EPS15L1: variants seen among roughly 807,000 people sequenced by gnomAD.
EPS15L1 encodes the protein epidermal growth factor receptor substrate 15-like 1.
Under a neutral mutation model 117.1 loss-of-function variants are expected in EPS15L1, and 43 were observed. That is an observed-to-expected ratio of 0.37 (90% CI 0.29 to 0.47). The LOEUF (loss-of-function observed/expected upper bound fraction) is 0.47, where lower values mean the gene tolerates loss of function less well. Ranked by LOEUF, EPS15L1 falls within the 20% of genes least tolerant of loss-of-function variation. The pLI is 0.99. For synonymous variants in EPS15L1, 459 were observed against 470.5 expected (o/e 0.98, Z 0.32); for missense variants, 981 against 1,164.0 (o/e 0.84, Z 2.29).
rs2092977682 is a variant in EPS15L1, at chr19:16,436,303, C to T, written c.372+634G>A. ...GAAAGTGAAGGGAAGGTGAGGAGGC[C>T]TGATGTTACTTGGAGGGACCATGCT... On this transcript the variant is annotated intron_variant, in intron 6 of 23. Transcript: ENST00000455140. Among the ~76,000 whole-genome samples the T allele has an allele frequency of 2.0e-5, 3 of 152,102 alleles. No homozygotes were observed. The South Asian group carries it at 6.2e-4, about 31-fold the overall frequency.
intron 5 of EPS15L1, 109 bp from the exon 6 acceptor site, chr19:16,437,108 A>C: frequency 1.1e-6 from 1 of 915,410 alleles, no homozygotes; most frequent in Non-Finnish European, 1.8e-6. Context: ...AAAAGGGAAG[A>C]CTTCACAAAG....
At chr19:16,372,739 C>T (rs914329195) in intron 22 of EPS15L1, among the ~76,000 whole-genome samples, 3 of 152,240 alleles carry the variant, frequency 2.0e-5, no homozygotes, top group Admixed American at 6.5e-5. Context: ...CCGTGCAAGG[C>T]GCTTCACCCA....
chr19:16,436,829 G>A (rs1302479147), intron 6 of EPS15L1, 108 bp downstream of exon 6: 9 of 878,310 alleles, frequency 1.0e-5, no homozygotes, highest in Non-Finnish European at 1.6e-5. Context: ...CCTATAAAAT[G>A]TTCTGAACAA....
chr19:16,385,275 AG>A (rs1415557720), intron 20 of EPS15L1, 64 bp from the exon 21 acceptor site: 2 of 1,378,542 alleles, frequency 1.5e-6, no homozygotes, highest in Non-Finnish European at 2.1e-6. Flanking sequence ...TCTGGGGTGG[AG>A]GGGAAATGCT....
chr19:16,457,871 G>GA (rs530738029), intron 1 of EPS15L1, among the ~76,000 whole-genome samples: 10 of 151,944 alleles, frequency 6.6e-5, no homozygotes, highest in Non-Finnish European at 1.2e-4. Flanking sequence ...GACTGGGGGG[G>GA]AGGGGGGAAC....
chr19:16,442,103 G>A (rs2305781), intron 2 of EPS15L1, 75 bp downstream of exon 2: 203,618 of 1,504,330 alleles, frequency 0.14, 14,627 homozygotes, highest in Non-Finnish European at 0.14. Flanking sequence ...CCGCTCAGCC[G>A]GGCTTCTATT....
At position 16,437,872 on chromosome 19, in the gene EPS15L1, G is replaced by A; in HGVS notation, c.214-7C>T. The A allele has an allele frequency of 6.2e-7, 1 of 1,611,800 alleles. No homozygotes were observed. The highest frequency in any genetic ancestry group is 1.1e-5 in the South Asian group (1 of 91,026). Reference sequence around the variant, plus strand: ...TCAGTGCAACATAGAAACCCTGCAAGTCCAAAGAAAGGGAAGGAGTAAACA... The same window carrying A: ...TCAGTGCAACATAGAAACCCTGCAAATCCAAAGAAAGGGAAGGAGTAAACA... On this transcript the variant is annotated splice_polypyrimidine_tract_variant and splice_region_variant and intron_variant, in intron 4 of 23. Transcript: ENST00000455140.
Position 16,471,772 on chromosome 19 carries a change from G to GGCCC in EPS15L1, c.33+140_33+141insGGGC. On this transcript the variant is annotated intron_variant, in intron 1 of 23. Transcript: ENST00000455140. This position sits in a 1 kb window ranked among gnomAD's most constrained non-coding sequence, Gnocchi z 4.8. ...CGGCCTGTCACCTTCAGGGCCGCCT[G>GGCCC]CCCACCCGCCCGCCGCAAGCCCTTC... 3.4e-6 allele frequency: 1 copy of GGCCC among 297,730 alleles called. No homozygotes were observed. The allele number at this position is 297,730 out of a possible 1,614,324, so 18.4% of individuals were successfully genotyped here.
intron 1 of EPS15L1, among the ~76,000 whole-genome samples, chr19:16,456,486 A>C (rs2093197569): frequency 1.3e-5 from 2 of 151,872 alleles, no homozygotes. Context: ...GTGAAACTCT[A>C]TCTCTACTAA....
chr19:16,466,366 C>A (rs908467998), intron 1 of EPS15L1, among the ~76,000 whole-genome samples: 1 of 152,118 alleles, frequency 6.6e-6, no homozygotes, highest in African/African-American at 2.4e-5. Context: ...GGTGGTGAGA[C>A]CTTTCCTGAC....
intron 10 of EPS15L1, among the ~76,000 whole-genome samples, chr19:16,420,176 C>T (rs2092800193): frequency 6.6e-6 from 1 of 152,246 alleles, no homozygotes; most frequent in Non-Finnish European, 1.5e-5. Flanking sequence ...CCTGATCATC[C>T]TTTCCTTCCC....
chr19:16,387,299 A>G (rs1444552658), intron 19 of EPS15L1, among the ~76,000 whole-genome samples: 4 of 152,228 alleles, frequency 2.6e-5, no homozygotes. Flanking sequence ...CCCTGTCTCT[A>G]CTAAAAATAC....
chr19:16,412,057 T>C (rs1488568940), intron 13 of EPS15L1, among the ~76,000 whole-genome samples: 1 of 152,258 alleles, frequency 6.6e-6, no homozygotes, highest in East Asian at 1.9e-4. Context: ...GTAAATGCTA[T>C]GTAAATAGTT....
chr19:16,456,394 C>T (rs531812856), intron 1 of EPS15L1, among the ~76,000 whole-genome samples: 8 of 150,690 alleles, frequency 5.3e-5, no homozygotes, highest in East Asian at 2.0e-4. Context: ...TGGTGGCTCA[C>T]GCCTGTAATC....
intron 16 of EPS15L1, chr19:16,401,367 G>C (rs1471702326): frequency 1.0e-6 from 1 of 985,346 alleles, no homozygotes; most frequent in African/African-American, 1.7e-5. Context: ...GTGGTGTTTA[G>C]AGAGCACGAG....
chr19:16,425,424 C>T (rs2092862043), intron 8 of EPS15L1, 108 bp from the exon 9 acceptor site: 1 of 745,726 alleles, frequency 1.3e-6, no homozygotes, highest in African/African-American at 1.8e-5. Context: ...GACACTCTGT[C>T]AGGACGCTCC....
intron 1 of EPS15L1, among the ~76,000 whole-genome samples, chr19:16,444,021 G>A (rs1186540146): frequency 1.5e-5 from 2 of 133,564 alleles, no homozygotes; most frequent in East Asian, 2.2e-4. Context: ...CCGAGATCGC[G>A]CCACTGCACT....
intron 22 of EPS15L1, among the ~76,000 whole-genome samples, chr19:16,363,929 A>C (rs918486022): frequency 6.6e-6 from 1 of 152,206 alleles, no homozygotes; most frequent in African/African-American, 2.4e-5. Context: ...CTCGGAGACA[A>C]ACTCCCCTGC....
At chr19:16,401,523 A>G (rs1280434250) in intron 16 of EPS15L1, 2 of 985,626 alleles carry the variant, frequency 2.0e-6, no homozygotes, top group African/African-American at 3.5e-5. Flanking sequence ...AAACATCCAG[A>G]CATGCGCGGC....
Sources: allele counts gnomAD v4.1 joint callset (sites outside exome capture counted in the v4.1 genomes callset), GRCh38; gene constraint gnomAD v4.1.1; non-coding constraint Gnocchi (gnomAD v3.1); transcripts MANE v1.5; gene names NCBI Gene and HGNC (gene_info 2026-07-23, HGNC 2026-07-21).